The following FGF13 variants were observed in gnomAD, a reference collection of about 807,000 sequenced individuals.
FGF13 encodes fibroblast growth factor 13.
Under a neutral mutation model 19.5 loss-of-function variants are expected in FGF13, and 2 were observed. That is an observed-to-expected ratio of 0.10 (90% CI 0.04 to 0.32). FGF13 has a LOEUF of 0.32. Ranked by LOEUF, FGF13 falls within the 10% of genes least tolerant of loss-of-function variation. The pLI is 1.00. For missense variants in FGF13, 113 were observed against 192.7 expected, an observed-to-expected ratio of 0.59 and a Z score of 2.45; for synonymous variants, 72 against 76.9, an observed-to-expected ratio of 0.94 and a Z score of 0.33.
chrX:138,791,160 T>C (rs1025992760), intron 3 of FGF13, among the ~76,000 whole-genome samples: 2 of 112,434 alleles, frequency 1.8e-5, no homozygotes, highest in African/African-American at 6.5e-5. Flanking sequence ...TTGTATAAGG[T>C]ATTTTAAGTA....
intron 3 of FGF13, among the ~76,000 whole-genome samples, chrX:138,637,074 G>A (rs1283983725): frequency 1.8e-5 from 2 of 111,623 alleles, no homozygotes; most frequent in East Asian, 2.8e-4. Context: ...CAGAATGCAC[G>A]AACTGAAGTA....
intron 1 of FGF13, among the ~76,000 whole-genome samples, chrX:138,736,717 T>TAC (rs1196892151): frequency 9.0e-6 from 1 of 110,805 alleles, no homozygotes; most frequent in African/African-American, 3.3e-5. Context: ...TTTATATATA[T>TAC]ACACAAATAT....
At chrX:139,039,772 TAGC>T (rs1379689118) in intron 1 of FGF13, among the ~76,000 whole-genome samples, 1 of 111,117 alleles carries the variant, frequency 9.0e-6, no homozygotes, top group Non-Finnish European at 1.9e-5. Flanking sequence ...AACTGTCACA[TAGC>T]AGGCATTCTA....
At chrX:138,969,140 G>A (rs993709896) in intron 1 of FGF13, among the ~76,000 whole-genome samples, 1 of 111,927 alleles carries the variant, frequency 8.9e-6, no homozygotes, top group South Asian at 3.8e-4. Context: ...AATGGAGAGT[G>A]ACTGAAAAAC....
chrX:139,049,382 G>T (rs1309337035), intron 1 of FGF13, among the ~76,000 whole-genome samples: 1 of 111,689 alleles, frequency 9.0e-6, no homozygotes, highest in South Asian at 3.8e-4. Flanking sequence ...AGACAGGCTT[G>T]CATTTCTATA....
At chrX:138,844,086 A>T (rs1477691849) in intron 3 of FGF13, among the ~76,000 whole-genome samples, 2 of 112,223 alleles carry the variant, frequency 1.8e-5, no homozygotes, top group African/African-American at 6.5e-5. Flanking sequence ...CAAGGAATCA[A>T]TTTCTAGCAA....
At chrX:138,854,927 C>A (rs1034324331), downstream of FGF13, among the ~76,000 whole-genome samples, 1 of 110,536 alleles carries the variant, frequency 9.0e-6, no homozygotes, top group Non-Finnish European at 1.9e-5. Flanking sequence ...CAGGGAGTAT[C>A]TCTTCAAAAT....
At chrX:138,847,489 T>A (rs1336529739) in intron 3 of FGF13, among the ~76,000 whole-genome samples, 1 of 111,765 alleles carries the variant, frequency 8.9e-6, no homozygotes, top group African/African-American at 3.3e-5. Flanking sequence ...AAAAATTTGC[T>A]AGCACATGGG....
chrX:138,908,331 G>C (rs2091569823), intron 1 of FGF13, among the ~76,000 whole-genome samples: 2 of 107,488 alleles, frequency 1.9e-5, no homozygotes, highest in East Asian at 5.9e-4. Flanking sequence ...GCCCACCTTG[G>C]CTCCCAAAGT....
chrX:139,173,506 A>G (rs1345446281), intron 1 of FGF13, among the ~76,000 whole-genome samples: 1 of 110,284 alleles, frequency 9.1e-6, no homozygotes, highest in Non-Finnish European at 1.9e-5. Context: ...GCACCCATCA[A>G]CCCGTCATCT....
At chrX:138,732,787 T>C (rs924441384) in intron 1 of FGF13, among the ~76,000 whole-genome samples, 1 of 111,188 alleles carries the variant, frequency 9.0e-6, no homozygotes, top group Admixed American at 9.6e-5. Flanking sequence ...CAACTGCTTG[T>C]GTATGGATGG....
At chrX:138,818,173 G>A (rs1441419335) in intron 3 of FGF13, among the ~76,000 whole-genome samples, 1 of 111,215 alleles carries the variant, frequency 9.0e-6, no homozygotes, top group East Asian at 2.8e-4. Flanking sequence ...TGTGCTTAGA[G>A]ATTTCTACAT....
At chrX:139,043,401 C>T (rs757294156) in intron 1 of FGF13, among the ~76,000 whole-genome samples, 7 of 110,367 alleles carry the variant, frequency 6.3e-5, no homozygotes, top group Non-Finnish European at 9.4e-5. Context: ...TTTGTAGAGA[C>T]GGAGATTCAG....
At chrX:139,115,238 A>C (rs955385220) in intron 1 of FGF13, among the ~76,000 whole-genome samples, 3 of 112,014 alleles carry the variant, frequency 2.7e-5, no homozygotes, top group Admixed American at 1.9e-4. Flanking sequence ...GTCTGTTTCA[A>C]ATCTGCTAGT....
intron 1 of FGF13, among the ~76,000 whole-genome samples, chrX:138,958,139 T>G (rs950450127): frequency 6.3e-5 from 7 of 111,988 alleles, no homozygotes; most frequent in African/African-American, 9.7e-5. Flanking sequence ...TTTTGCCCAT[T>G]CAGTATGATA....
At chrX:139,192,687 C>T (rs781605319) in intron 1 of FGF13, among the ~76,000 whole-genome samples, 1 of 111,394 alleles carries the variant, frequency 9.0e-6, no homozygotes, top group South Asian at 3.9e-4. Flanking sequence ...TGTGGTTAGA[C>T]GTGATGCTGA....
chrX:138,635,113 C>G (rs145344200), intron 4 of FGF13, among the ~76,000 whole-genome samples: 2,140 of 111,786 alleles, frequency 0.019, 57 homozygotes, highest in African/African-American at 0.066. Context: ...TGGAGCTGGA[C>G]GCCATTATTC....
At chrX:138,673,024 C>T (rs2089629744) in intron 3 of FGF13, among the ~76,000 whole-genome samples, 1 of 110,970 alleles carries the variant, frequency 9.0e-6, no homozygotes, top group Admixed American at 9.6e-5. Flanking sequence ...GTGGAGGTAA[C>T]TGGTGACTTT....
chrX:138,697,107 G>A (rs1369758471), intron 3 of FGF13, among the ~76,000 whole-genome samples: 1 of 111,622 alleles, frequency 9.0e-6, no homozygotes, highest in East Asian at 2.8e-4. Flanking sequence ...ATTAACTTAG[G>A]CATGTAACAT....
Sources: allele counts gnomAD v4.1 joint callset (sites outside exome capture counted in the v4.1 genomes callset), GRCh38; gene constraint gnomAD v4.1.1; transcripts MANE v1.5; gene names NCBI Gene and HGNC (gene_info 2026-07-23, HGNC 2026-07-21).